LYPD6B: variants seen among roughly 807,000 people sequenced by gnomAD.
LYPD6B encodes ly6/PLAUR domain-containing protein 6B.
Under a neutral mutation model 22.8 loss-of-function variants are expected in LYPD6B, and 17 were observed. The observed-to-expected ratio is 0.75, with a 90% CI of 0.51 to 1.12. The LOEUF is 1.12. Among genes scored for constraint, LYPD6B ranks in the 50% most tolerant of loss-of-function variants. The pLI is 0.00. For synonymous variants in LYPD6B, 106 were observed against 91.6 expected, an observed-to-expected ratio of 1.16 and a Z score of -0.90; for missense variants, 221 against 258.3, an observed-to-expected ratio of 0.86 and a Z score of 0.99.
At chr2:149,142,837 G>A (rs1688775608) in intron 2 of LYPD6B, among the ~76,000 whole-genome samples, 1 of 151,956 alleles carries the variant, frequency 6.6e-6, no homozygotes, top group East Asian at 1.9e-4. Context: ...TTTTTTAATC[G>A]ACTTTTTCCT....
At chr2:149,078,833 C>G (rs1574927364) in intron 1 of LYPD6B, among the ~76,000 whole-genome samples, 2 of 151,928 alleles carry the variant, frequency 1.3e-5, no homozygotes, top group Non-Finnish European at 2.9e-5. Context: ...ATAGCAAGAC[C>G]CCCATCTCTA....
At chr2:149,059,867 T>A (rs534556492) in intron 1 of LYPD6B, among the ~76,000 whole-genome samples, 21 of 152,264 alleles carry the variant, frequency 1.4e-4, no homozygotes, top group African/African-American at 3.6e-4. Flanking sequence ...AGGAAATGGT[T>A]CCTTCAGAAG....
chr2:149,174,295 G>A (rs1045433423), intron 3 of LYPD6B, among the ~76,000 whole-genome samples: 1 of 152,162 alleles, frequency 6.6e-6, no homozygotes, highest in Non-Finnish European at 1.5e-5. Context: ...TGAGATGATG[G>A]TGTTTTCTAG....
intron 2 of LYPD6B, among the ~76,000 whole-genome samples, chr2:149,144,147 T>C (rs556970242): frequency 6.6e-6 from 1 of 152,320 alleles, no homozygotes; most frequent in African/African-American, 2.4e-5. Context: ...GGGCTTATAG[T>C]ATGATGGTGG....
intron 5 of LYPD6B, 120 bp downstream of exon 5, chr2:149,208,532 A>G: frequency 2.7e-6 from 2 of 743,460 alleles, no homozygotes; most frequent in Non-Finnish European, 4.4e-6. Context: ...ACATCAGACT[A>G]TATTGAGAGT....
rs73963487 is a variant in LYPD6B at position 149,112,071 on chromosome 2, T to C, written c.-66-18812T>C. ...GAAGTGGTAAGAATGAAAGTCTGATTGGAGTGGATTCAAGAGAGAATGGAG... is the reference window on the plus strand; with the variant it reads ...GAAGTGGTAAGAATGAAAGTCTGATCGGAGTGGATTCAAGAGAGAATGGAG... On this transcript the variant is annotated intron_variant, in intron 1 of 6. Transcript: ENST00000409642. Among the ~76,000 whole-genome samples the C allele has an allele frequency of 8.6e-3, 1,316 of 152,226 alleles. 16 individuals are homozygous for C. The highest frequency in any genetic ancestry group is 0.031 in the African/African-American group (1,267 of 41,534).
At chr2:149,207,154 T>C (rs1693555058) in intron 4 of LYPD6B, among the ~76,000 whole-genome samples, 1 of 152,158 alleles carries the variant, frequency 6.6e-6, no homozygotes, top group Non-Finnish European at 1.5e-5. Context: ...AAAATGGATG[T>C]CATTATTTAT....
Position 149,119,607 on chromosome 2 carries a change from G to A in LYPD6B, c.-66-11276G>A, listed in dbSNP as rs77659451. 1.2e-3 allele frequency among the ~76,000 whole-genome samples: 179 copies of A among 152,322 alleles called. 3 individuals are homozygous for A. The East Asian group carries it at 0.012, about 10-fold the overall frequency. On this transcript the variant is annotated intron_variant, in intron 1 of 6. Transcript: ENST00000409642. ...ATTACATTGCCTTGGCTCCGGGCCCGTAGGCACCAGCAGCAAGAGCTTTGA... is the reference window on the plus strand; with the variant it reads ...ATTACATTGCCTTGGCTCCGGGCCCATAGGCACCAGCAGCAAGAGCTTTGA...
At chr2:149,074,272 A>G (rs1345140973) in intron 1 of LYPD6B, among the ~76,000 whole-genome samples, 1 of 57,970 alleles carries the variant, frequency 1.7e-5, no homozygotes, top group African/African-American at 6.1e-5. Flanking sequence ...ATGCATGCAC[A>G]CACACACACA....
intron 1 of LYPD6B, among the ~76,000 whole-genome samples, chr2:149,098,053 ATTAC>A (rs1355379940): frequency 6.6e-6 from 1 of 152,116 alleles, no homozygotes; most frequent in Non-Finnish European, 1.5e-5. Flanking sequence ...ATTGTGAATA[ATTAC>A]TTACTTGTTA....
At chr2:149,196,321 C>A (rs1205081633) in intron 3 of LYPD6B, among the ~76,000 whole-genome samples, 1 of 152,134 alleles carries the variant, frequency 6.6e-6, no homozygotes, top group African/African-American at 2.4e-5. Flanking sequence ...TGTGACTATG[C>A]AAAAGTCAGC....
At chr2:149,165,411 A>G (rs960505152) in intron 3 of LYPD6B, among the ~76,000 whole-genome samples, 2 of 152,206 alleles carry the variant, frequency 1.3e-5, no homozygotes, top group Admixed American at 6.5e-5. Flanking sequence ...ATCTGAAATT[A>G]CTTTAAAATT....
At chr2:149,096,271 C>G (rs1230805790) in intron 1 of LYPD6B, among the ~76,000 whole-genome samples, 1 of 152,036 alleles carries the variant, frequency 6.6e-6, no homozygotes, top group East Asian at 1.9e-4. Flanking sequence ...AGCATTAGAA[C>G]CAGTCGGGAG....
chr2:149,091,810 G>C (rs960065687), intron 1 of LYPD6B, among the ~76,000 whole-genome samples: 3 of 152,102 alleles, frequency 2.0e-5, no homozygotes, highest in Admixed American at 1.3e-4. Flanking sequence ...GAAGTTACAG[G>C]CCTTTGTAGA....
intron 1 of LYPD6B, among the ~76,000 whole-genome samples, chr2:149,069,673 T>G (rs984641964): frequency 6.6e-6 from 1 of 152,070 alleles, no homozygotes; most frequent in African/African-American, 2.4e-5. Flanking sequence ...TGTGGTAAAT[T>G]TCAACATTCC....
chr2:149,115,889 G>A (rs1004909747), intron 1 of LYPD6B, among the ~76,000 whole-genome samples: 1 of 152,352 alleles, frequency 6.6e-6, no homozygotes, highest in African/African-American at 2.4e-5. Flanking sequence ...GTTCTGAATA[G>A]TGTGACACAA....
intron 1 of LYPD6B, among the ~76,000 whole-genome samples, chr2:149,086,458 A>G (rs767198423): frequency 5.9e-5 from 9 of 152,190 alleles, no homozygotes; most frequent in Non-Finnish European, 8.8e-5. Context: ...CATGAGCTTC[A>G]AAGTATCACA....
At chr2:149,139,631 GT>G in intron 2 of LYPD6B, among the ~76,000 whole-genome samples, 1 of 152,258 alleles carries the variant, frequency 6.6e-6, no homozygotes, top group East Asian at 1.9e-4. Context: ...AATGGGGAAA[GT>G]TTAAGTATTA....
chr2:149,102,121 C>T (rs547613621), intron 1 of LYPD6B, among the ~76,000 whole-genome samples: 3 of 152,202 alleles, frequency 2.0e-5, no homozygotes, highest in African/African-American at 7.2e-5. Flanking sequence ...TTACCTTCTC[C>T]CTTTACCAAG....
Sources: gnomAD v4.1 joint callset for allele counts (sites outside exome capture counted in the v4.1 genomes callset) on GRCh38, gnomAD v4.1.1 for gene constraint, MANE v1.5 for transcripts, NCBI Gene and HGNC (gene_info 2026-07-23, HGNC 2026-07-21) for gene names.